The following RIMS2 variants were observed in gnomAD, a reference collection of about 807,000 sequenced individuals.
The protein encoded by RIMS2 is regulating synaptic membrane exocytosis 2, also known as regulating synaptic membrane exocytosis protein 2.
A neutral mutation model predicts 174.4 loss-of-function variants in RIMS2; 59 were observed. The observed-to-expected ratio is 0.34, with a 90% CI of 0.27 to 0.42. RIMS2 has a LOEUF of 0.42. RIMS2 is among the 10% of genes least tolerant of loss of function. The pLI is 1.00. For synonymous variants in RIMS2, 606 were observed against 572.5 expected (o/e 1.06, Z -0.84); for missense variants, 1,620 against 1,666.3 (o/e 0.97, Z 0.48).
At chr8:104,030,563 T>C (rs540031586) in intron 19 of RIMS2, among the ~76,000 whole-genome samples, 1 of 152,272 alleles carries the variant, frequency 6.6e-6, no homozygotes, top group South Asian at 2.1e-4. Flanking sequence ...TCTTATCTAT[T>C]ACTTTTTTCT....
chr8:103,595,122 G>A (rs1208841375), intron 1 of RIMS2, among the ~76,000 whole-genome samples: 3 of 151,826 alleles, frequency 2.0e-5, no homozygotes, highest in South Asian at 2.1e-4. Flanking sequence ...TCTGATATAT[G>A]TAATTCTTAT....
At chr8:104,033,172 A>G (rs1248099371) in intron 19 of RIMS2, among the ~76,000 whole-genome samples, 1 of 152,008 alleles carries the variant, frequency 6.6e-6, no homozygotes, top group East Asian at 1.9e-4. Flanking sequence ...AAATTTTTTC[A>G]TAAAGTTGTA....
chr8:103,697,597 G>A (rs1165025284), intron 2 of RIMS2, among the ~76,000 whole-genome samples: 6 of 151,716 alleles, frequency 4.0e-5, no homozygotes, highest in Admixed American at 6.6e-5. Context: ...GCATGGTGGC[G>A]GGCCCCTATA....
intron 1 of RIMS2, among the ~76,000 whole-genome samples, chr8:103,509,454 C>T (rs1361326456): frequency 6.6e-6 from 1 of 152,038 alleles, no homozygotes; most frequent in Non-Finnish European, 1.5e-5. Flanking sequence ...ATTTCCTTCC[C>T]TGTATATATT....
intron 16 of RIMS2, 25 bp downstream of exon 18, chr8:103,975,531 T>C (rs199619344): frequency 6.3e-7 from 1 of 1,589,070 alleles, no homozygotes; most frequent in South Asian, 1.1e-5. Flanking sequence ...TTATTTTATT[T>C]GTAGGGTGGC....
intron 1 of RIMS2, among the ~76,000 whole-genome samples, chr8:103,577,698 A>G (rs2093346916): frequency 6.6e-6 from 1 of 152,220 alleles, no homozygotes; most frequent in Non-Finnish European, 1.5e-5. Flanking sequence ...GAAAATAAAT[A>G]TTTACAAAAA....
intron 6 of RIMS2, among the ~76,000 whole-genome samples, chr8:103,912,575 T>C (rs2075882126): frequency 6.6e-6 from 1 of 152,166 alleles, no homozygotes; most frequent in African/African-American, 2.4e-5. Context: ...TATATGTATA[T>C]TGCATATGTG....
intron 19 of RIMS2, among the ~76,000 whole-genome samples, chr8:104,118,276 A>C (rs2098312338): frequency 6.6e-6 from 1 of 152,062 alleles, no homozygotes; most frequent in Non-Finnish European, 1.5e-5. Flanking sequence ...CTTAGGCAAA[A>C]ACTCAATACC....
chr8:103,578,116 A>C (rs2093371387), intron 1 of RIMS2, among the ~76,000 whole-genome samples: 1 of 152,240 alleles, frequency 6.6e-6, no homozygotes, highest in Non-Finnish European at 1.5e-5. Context: ...ATCCAGGTGC[A>C]GGAAGGTCAG....
Position 103,500,812 on chromosome 8 carries a change from AGCCGCCGCGCCGGT to A in RIMS2, c.-66_-53del, listed in dbSNP as rs1479791156. 18 of 941,134 alleles carry A rather than the reference AGCCGCCGCGCCGGT, an allele frequency of 1.9e-5. No individual in the cohort carries two copies. In the Admixed American group the frequency reaches 3.1e-4, roughly 16 times the overall value. The allele number at this position is 941,134 out of a possible 1,614,324, so 58.3% of individuals were successfully genotyped here. On this transcript the variant is annotated 5_prime_UTR_variant, in exon 1 of 24. Coordinates refer to ENST00000504942, the Ensembl canonical transcript of RIMS2. ...TTGTCCCAGCGCTGGAGGCTGCCCCAGCCGCCGCGCCGGTGCCGCCGCTGCCAGTGGAGTTGCCT... is the reference window on the plus strand; with the variant it reads ...TTGTCCCAGCGCTGGAGGCTGCCCCAGCCGCCGCTGCCAGTGGAGTTGCCT...
intron 1 of RIMS2, among the ~76,000 whole-genome samples, chr8:103,566,860 C>T (rs936180110): frequency 1.3e-5 from 2 of 152,170 alleles, no homozygotes; most frequent in Admixed American, 6.6e-5. Flanking sequence ...ACAATTCAGC[C>T]TTTCAAAATG....
intron 1 of RIMS2, among the ~76,000 whole-genome samples, chr8:103,685,946 C>G (rs748253793): frequency 2.4e-4 from 36 of 152,074 alleles, no homozygotes; most frequent in Non-Finnish European, 4.0e-4. Context: ...TTTAGTCTTG[C>G]CATTGGTTAA....
At chr8:103,550,090 T>C (rs1847031478) in intron 1 of RIMS2, among the ~76,000 whole-genome samples, 1 of 152,084 alleles carries the variant, frequency 6.6e-6, no homozygotes, top group Non-Finnish European at 1.5e-5. Context: ...TGAACTCAGC[T>C]CTGCACCAAG....
intron 3 of RIMS2, among the ~76,000 whole-genome samples, chr8:103,869,470 T>C (rs1248955773): frequency 6.6e-6 from 1 of 152,130 alleles, no homozygotes; most frequent in Non-Finnish European, 1.5e-5. Flanking sequence ...GTGCTGGGAC[T>C]ACAGGCACCC....
At chr8:104,050,359 A>G (rs1006246489) in intron 19 of RIMS2, among the ~76,000 whole-genome samples, 1 of 152,122 alleles carries the variant, frequency 6.6e-6, no homozygotes, top group Non-Finnish European at 1.5e-5. Context: ...AAAACGTTAA[A>G]CTTAGTTTTA....
chr8:103,794,980 G>C (rs928838361), intron 3 of RIMS2, among the ~76,000 whole-genome samples: 8 of 152,214 alleles, frequency 5.3e-5, no homozygotes, highest in African/African-American at 1.7e-4. Flanking sequence ...CTTTTACACT[G>C]TTGGTGGGAC....
intron 19 of RIMS2, among the ~76,000 whole-genome samples, chr8:104,220,448 C>T (rs2138430908): frequency 6.6e-6 from 1 of 152,222 alleles, no homozygotes; most frequent in Non-Finnish European, 1.5e-5. Flanking sequence ...CAGGCATAAC[C>T]ACTGATTCCG....
At chr8:104,060,512 A>G (rs1266681590) in intron 19 of RIMS2, among the ~76,000 whole-genome samples, 1 of 151,834 alleles carries the variant, frequency 6.6e-6, no homozygotes, top group African/African-American at 2.4e-5. Context: ...GATCCTTTCA[A>G]AAAACCAGCT....
chr8:103,868,054 A>G (rs1446400563), intron 3 of RIMS2, among the ~76,000 whole-genome samples: 2 of 152,054 alleles, frequency 1.3e-5, no homozygotes, highest in Non-Finnish European at 2.9e-5. Flanking sequence ...TTTGTTCATC[A>G]TATAGCCAAC....
Sources: gnomAD v4.1 joint callset for allele counts (sites outside exome capture counted in the v4.1 genomes callset) on GRCh38, gnomAD v4.1.1 for gene constraint, MANE v1.5 for transcripts, NCBI Gene and HGNC (gene_info 2026-07-23, HGNC 2026-07-21) for gene names.